The following ABTB2 variants were observed in gnomAD, a reference collection of about 807,000 sequenced individuals.
ABTB2 encodes ankyrin repeat and BTB/POZ domain-containing protein 2.
Under a neutral mutation model 104.1 loss-of-function variants are expected in ABTB2, and 56 were observed. That is an observed-to-expected ratio of 0.54 (90% CI 0.43 to 0.67). ABTB2 has a LOEUF of 0.67. Ranked by LOEUF, ABTB2 falls within the 30% of genes least tolerant of loss-of-function variation. The pLI is 0.00. For synonymous variants in ABTB2, 606 were observed against 608.2 expected, an observed-to-expected ratio of 1.00 and a Z score of 0.05; for missense variants, 1,279 against 1,407.7, an observed-to-expected ratio of 0.91 and a Z score of 1.46.
chr11:34,275,060 A>C (rs1229445807), intron 1 of ABTB2, among the ~76,000 whole-genome samples: 1 of 152,152 alleles, frequency 6.6e-6, no homozygotes, highest in Non-Finnish European at 1.5e-5. Context: ...CTGCCTCGAG[A>C]GTCCTCATTC....
At chr11:34,211,797 G>A (rs1213717946) in intron 1 of ABTB2, among the ~76,000 whole-genome samples, 2 of 150,518 alleles carry the variant, frequency 1.3e-5, no homozygotes, top group Admixed American at 6.6e-5. Context: ...GCTGAGGCAG[G>A]AGAATTGCTT....
chr11:34,179,252 G>A (rs1173210393), intron 3 of ABTB2, among the ~76,000 whole-genome samples: 1 of 152,180 alleles, frequency 6.6e-6, no homozygotes, highest in Non-Finnish European at 1.5e-5. Flanking sequence ...ATATCACACA[G>A]CTTCTAGAAA....
At chr11:34,290,030 CAAATT>C (rs1854549754) in intron 1 of ABTB2, among the ~76,000 whole-genome samples, 1 of 152,156 alleles carries the variant, frequency 6.6e-6, no homozygotes, top group Non-Finnish European at 1.5e-5. Flanking sequence ...TTCTTTAAAA[CAAATT>C]AACATAGATA....
At chr11:34,307,669 T>G (rs998643948) in intron 1 of ABTB2, among the ~76,000 whole-genome samples, 2 of 152,120 alleles carry the variant, frequency 1.3e-5, no homozygotes, top group African/African-American at 2.4e-5. Context: ...TGTTAATGGT[T>G]TGAGTCTGGC....
Position 34,357,655 on chromosome 11 carries a change from C to T in ABTB2, c.-72G>A, listed in dbSNP as rs887254470. ...CTCCATGCCCTCTTTCCCAAGTGGG[C>T]AGAAACAAGCTCTAGGCCCTCCGGG... On this transcript the variant is annotated 5_prime_UTR_variant, in exon 1 of 17. Transcript: ENST00000435224. The T allele has an allele frequency of 3.5e-6, 5 of 1,412,334 alleles. No homozygotes were observed. Among genetic ancestry groups the T allele is most frequent in the Non-Finnish European group, 4.6e-6 (5 of 1,077,402 alleles). 87.5% of individuals were successfully genotyped at this position (1,412,334 alleles called of 1,614,324 possible).
At chr11:34,343,635 G>T (rs151004204) in intron 1 of ABTB2, among the ~76,000 whole-genome samples, 1 of 151,764 alleles carries the variant, frequency 6.6e-6, no homozygotes, top group South Asian at 2.1e-4. Context: ...CCACCACACC[G>T]CCTCATTTCT....
At chr11:34,355,796 C>T (rs1855458788) in intron 1 of ABTB2, among the ~76,000 whole-genome samples, 1 of 152,148 alleles carries the variant, frequency 6.6e-6, no homozygotes, top group Non-Finnish European at 1.5e-5. Context: ...TGTCACACCC[C>T]CTAACATTGT....
chr11:34,249,292 C>T (rs1367821981), intron 1 of ABTB2, among the ~76,000 whole-genome samples: 5 of 152,172 alleles, frequency 3.3e-5, no homozygotes, highest in East Asian at 3.8e-4. Flanking sequence ...CAGAATCTGG[C>T]CCTGAACTGC....
chr11:34,202,302 A>G (rs1448651992), intron 2 of ABTB2, among the ~76,000 whole-genome samples: 2 of 152,162 alleles, frequency 1.3e-5, no homozygotes, highest in Non-Finnish European at 2.9e-5. Flanking sequence ...TCAAGGGGAA[A>G]GTGTTGCAGG....
chr11:34,308,400 C>A (rs1239995750), intron 1 of ABTB2, among the ~76,000 whole-genome samples: 6 of 152,186 alleles, frequency 3.9e-5, no homozygotes, highest in Admixed American at 3.9e-4. Context: ...ACATTTACAA[C>A]ACAAAAAGCA....
chr11:34,247,360 T>G (rs1026164266), intron 1 of ABTB2, among the ~76,000 whole-genome samples: 8 of 152,236 alleles, frequency 5.3e-5, no homozygotes, highest in African/African-American at 1.9e-4. Context: ...ACACATTCAG[T>G]AGCAGCAGTA....
intron 1 of ABTB2, among the ~76,000 whole-genome samples, chr11:34,325,452 T>C (rs1490509071): frequency 1.3e-5 from 2 of 152,222 alleles, no homozygotes; most frequent in Non-Finnish European, 2.9e-5. Flanking sequence ...CTCCGTTCCC[T>C]AGTTTCCTCA....
At chr11:34,216,007 T>C (rs892331501) in intron 1 of ABTB2, among the ~76,000 whole-genome samples, 1 of 152,222 alleles carries the variant, frequency 6.6e-6, no homozygotes, top group Non-Finnish European at 1.5e-5. Flanking sequence ...ATTCATTCAC[T>C]CATTTATTCA....
chr11:34,290,290 C>G (rs1042974311), intron 1 of ABTB2, among the ~76,000 whole-genome samples: 2 of 152,214 alleles, frequency 1.3e-5, no homozygotes, highest in African/African-American at 4.8e-5. Context: ...TGTACCTGGA[C>G]TTAAGGTTTA....
intron 1 of ABTB2, among the ~76,000 whole-genome samples, chr11:34,290,426 T>A (rs2133092402): frequency 6.6e-6 from 1 of 152,330 alleles, no homozygotes; most frequent in Middle Eastern, 3.4e-3. Context: ...AAACTTTAAA[T>A]GTGTGGTTCT....
intron 1 of ABTB2, among the ~76,000 whole-genome samples, chr11:34,219,639 G>C (rs1393071820): frequency 2.0e-5 from 3 of 152,196 alleles, no homozygotes; most frequent in Non-Finnish European, 2.9e-5. Context: ...TCTATATTTA[G>C]ATACAGAAAT....
chr11:34,285,987 T>C lies in ABTB2; in HGVS notation c.883+70714A>G, dbSNP rs75798838. Among the ~76,000 whole-genome samples, 828 of 152,216 alleles carry C rather than the reference T, an allele frequency of 5.4e-3. 7 individuals carry two copies. Among genetic ancestry groups the C allele is most frequent in the African/African-American group, 0.019 (791 of 41,502 alleles). On this transcript the variant is annotated intron_variant, in intron 1 of 16. Transcript: ENST00000435224. Reference sequence around the variant, plus strand: ...TAAATTCAACTCAATGACCCAATACTATAGTTGGGGAAAACAAAAGAGATT... The same window carrying C: ...TAAATTCAACTCAATGACCCAATACCATAGTTGGGGAAAACAAAAGAGATT...
intron 5 of ABTB2, among the ~76,000 whole-genome samples, chr11:34,170,557 T>C (rs1190343713): frequency 1.3e-5 from 2 of 152,218 alleles, no homozygotes; most frequent in African/African-American, 4.8e-5. Context: ...CCCTGGCAAG[T>C]AGTTGGCACA....
chr11:34,349,433 AAACT>A (rs1855373030), intron 1 of ABTB2, among the ~76,000 whole-genome samples: 1 of 152,164 alleles, frequency 6.6e-6, no homozygotes, highest in Non-Finnish European at 1.5e-5. Context: ...CTCCACAAAC[AAACT>A]GTTAGCCACC....
Sources: allele counts gnomAD v4.1 joint callset (sites outside exome capture counted in the v4.1 genomes callset), GRCh38; gene constraint gnomAD v4.1.1; transcripts MANE v1.5; gene names NCBI Gene and HGNC (gene_info 2026-07-23, HGNC 2026-07-21).